The following ZFHX3 variants were observed in gnomAD, a reference collection of about 807,000 sequenced individuals.
The protein encoded by ZFHX3 is zinc finger homeobox protein 3.
In ZFHX3, 42 loss-of-function variants were observed where a neutral mutation model predicts 279.1. The ratio of observed to expected loss-of-function variants is 0.15; its 90% confidence interval spans 0.12 to 0.19. ZFHX3 has a LOEUF of 0.19. ZFHX3 is among the 10% of genes least tolerant of loss of function. The pLI, the probability that ZFHX3 is intolerant of heterozygous loss-of-function variation, is 1.00. For synonymous variants in ZFHX3, 2,293 were observed against 1,957.8 expected (o/e 1.17, Z -4.52); for missense variants, 4,981 against 4,754.0 (o/e 1.05, Z -1.40).
intron 7 of ZFHX3, among the ~76,000 whole-genome samples, chr16:73,128,765 G>A (rs552804349): frequency 2.0e-5 from 3 of 152,114 alleles, no homozygotes; most frequent in African/African-American, 7.2e-5. Flanking sequence ...CCCAAATCCT[G>A]GTTGTTTCTG....
At chr16:73,122,413 GC>G (rs1966510514) in intron 7 of ZFHX3, among the ~76,000 whole-genome samples, 1 of 151,642 alleles carries the variant, frequency 6.6e-6, no homozygotes, top group Non-Finnish European at 1.5e-5. Flanking sequence ...CATCATGTTG[GC>G]CAGGCTGGTC....
intron 3 of ZFHX3, among the ~76,000 whole-genome samples, chr16:72,891,084 G>C (rs895734017): frequency 3.3e-5 from 5 of 152,162 alleles, no homozygotes. Context: ...AGTCTACTGG[G>C]AGAACCCCAA....
intron 3 of ZFHX3, among the ~76,000 whole-genome samples, chr16:73,346,646 A>AT (rs1567456702): frequency 1.3e-5 from 2 of 152,094 alleles, no homozygotes; most frequent in Non-Finnish European, 2.9e-5. Context: ...TAATTTTTGT[A>AT]TTTTTTGTAG....
At chr16:73,453,916 C>T (rs766864191) in intron 3 of ZFHX3, among the ~76,000 whole-genome samples, 24 of 152,148 alleles carry the variant, frequency 1.6e-4, no homozygotes, top group Non-Finnish European at 2.6e-4. Context: ...GATTACCTCC[C>T]ACCAGGTCCC....
chr16:72,881,060 AAAATGTAGCCCC>A (rs1336982489), intron 4 of ZFHX3, among the ~76,000 whole-genome samples: 1 of 152,346 alleles, frequency 6.6e-6, no homozygotes, highest in South Asian at 2.1e-4. Context: ...AATATTAAGG[AAAATGTAGCCCC>A]AAACCTAGCC....
At chr16:73,402,111 C>T (rs779270367) in intron 3 of ZFHX3, 4 of 152,136 alleles carry the variant, frequency 2.6e-5, no homozygotes, top group African/African-American at 4.8e-5. Context: ...TGATTTTTTT[C>T]CCACATATCT....
At chr16:72,799,644 C>T (rs2036034935) in intron 8 of ZFHX3, among the ~76,000 whole-genome samples, 1 of 152,196 alleles carries the variant, frequency 6.6e-6, no homozygotes, top group African/African-American at 2.4e-5. Flanking sequence ...ACAACTAATC[C>T]AGTGTACCTA....
chr16:73,118,198 T>C (rs139593577), intron 7 of ZFHX3, among the ~76,000 whole-genome samples: 3,108 of 152,194 alleles, frequency 0.02, 44 homozygotes, highest in Middle Eastern at 0.037. Context: ...GTCTTAATTA[T>C]TTTTTGTTCT....
At chr16:73,478,086 C>T (rs1052598681) in intron 2 of ZFHX3, among the ~76,000 whole-genome samples, 2 of 152,084 alleles carry the variant, frequency 1.3e-5, no homozygotes, top group Admixed American at 1.3e-4. Context: ...TCCTGGCCAA[C>T]ATGGTGAAAC....
chr16:73,850,817 T>G (rs1367441011), intron 1 of ZFHX3, among the ~76,000 whole-genome samples: 1 of 152,142 alleles, frequency 6.6e-6, no homozygotes, highest in African/African-American at 2.4e-5. Flanking sequence ...CATGAGCAGC[T>G]GCTTCCTCAG....
At chr16:72,834,385 T>C (rs1162651906) in intron 4 of ZFHX3, among the ~76,000 whole-genome samples, 1 of 152,240 alleles carries the variant, frequency 6.6e-6, no homozygotes, top group Non-Finnish European at 1.5e-5. Context: ...TGCAGAGCCC[T>C]GAAGTGCAAG....
At chr16:73,440,269 A>G (rs1335420396) in intron 3 of ZFHX3, among the ~76,000 whole-genome samples, 1 of 152,216 alleles carries the variant, frequency 6.6e-6, no homozygotes, top group Non-Finnish European at 1.5e-5. Context: ...ATACCGTGTT[A>G]CTGAATTACA....
chr16:73,672,579 A>C (rs1391599848), intron 2 of ZFHX3, among the ~76,000 whole-genome samples: 2 of 152,194 alleles, frequency 1.3e-5, no homozygotes, highest in Admixed American at 1.3e-4. Flanking sequence ...GTAATATAGA[A>C]ACTGAGCATC....
At chr16:72,858,570 A>G (rs1364304846) in intron 4 of ZFHX3, among the ~76,000 whole-genome samples, 1 of 152,238 alleles carries the variant, frequency 6.6e-6, no homozygotes, top group East Asian at 1.9e-4. Flanking sequence ...TCAGCAGGGT[A>G]GCCAAGTTAT....
At chr16:73,652,736 G>C (rs2052683468) in intron 2 of ZFHX3, among the ~76,000 whole-genome samples, 1 of 152,168 alleles carries the variant, frequency 6.6e-6, no homozygotes, top group Non-Finnish European at 1.5e-5. Flanking sequence ...TTTAGATTTT[G>C]ATAAGTATAC....
At chr16:72,844,886 C>T (rs190109244) in intron 4 of ZFHX3, among the ~76,000 whole-genome samples, 12 of 152,012 alleles carry the variant, frequency 7.9e-5, no homozygotes, top group Non-Finnish European at 1.6e-4. Flanking sequence ...TCCTCATTTC[C>T]GAGATGAATG....
At chr16:73,554,427 C>G (rs948459729) in intron 2 of ZFHX3, 2 of 152,162 alleles carry the variant, frequency 1.3e-5, no homozygotes, top group Non-Finnish European at 2.9e-5. Context: ...TCATAATAAA[C>G]CAGACGTATA....
chr16:73,376,974 CTTT>C (rs11399068), intron 3 of ZFHX3, among the ~76,000 whole-genome samples: 6 of 139,710 alleles, frequency 4.3e-5, no homozygotes, highest in Admixed American at 1.4e-4. Flanking sequence ...ATCATGACTG[CTTT>C]TTTTTTTTTT....
intron 2 of ZFHX3, among the ~76,000 whole-genome samples, chr16:73,667,096 A>T (rs1597056020): frequency 6.6e-6 from 1 of 151,974 alleles, no homozygotes; most frequent in African/African-American, 2.4e-5. Flanking sequence ...GGTTCAAGCG[A>T]TTCTCCTGCC....
Sources: gnomAD v4.1 joint callset for allele counts (sites outside exome capture counted in the v4.1 genomes callset) on GRCh38, gnomAD v4.1.1 for gene constraint, MANE v1.5 for transcripts, NCBI Gene and HGNC (gene_info 2026-07-23, HGNC 2026-07-21) for gene names.